Variants in HHLA2 observed in about 807,000 individuals in gnomAD.
The protein encoded by HHLA2 is HERV-H LTR-associating protein 2.
In HHLA2, 48 loss-of-function variants were observed where a neutral mutation model predicts 45.9. The ratio of observed to expected loss-of-function variants is 1.05; its 90% CI spans 0.83 to 1.33. The LOEUF is 1.33. HHLA2 is among the 40% of genes most tolerant of loss of function. HHLA2 has a pLI of 0.00. For missense variants in HHLA2, 462 were observed against 494.3 expected (o/e 0.93, Z 0.62); for synonymous variants, 161 against 173.9 (o/e 0.93, Z 0.59).
At chr3:108,353,327 GGCT>G (rs2081815173) in intron 4 of HHLA2, 97 bp from the exon 4 acceptor site, 1 of 692,664 alleles carries the variant, frequency 1.4e-6, no homozygotes, top group African/African-American at 1.8e-5. Flanking sequence ...CTAATAATCA[GGCT>G]GCTAACCTAG....
intron 2 of HHLA2, among the ~76,000 whole-genome samples, chr3:108,312,553 T>C (rs145072794): frequency 1.5e-3 from 226 of 152,332 alleles, no homozygotes; most frequent in African/African-American, 4.7e-3. Flanking sequence ...TGGGAAGCTA[T>C]GATGTTTCCC....
At chr3:108,315,343 TAC>T (rs1421050064) in intron 2 of HHLA2, among the ~76,000 whole-genome samples, 1 of 152,202 alleles carries the variant, frequency 6.6e-6, no homozygotes, top group Non-Finnish European at 1.5e-5. Flanking sequence ...GAATGGGAAT[TAC>T]AGTCTCTTAT....
At chr3:108,318,420 A>G (rs1235891891) in intron 2 of HHLA2, among the ~76,000 whole-genome samples, 1 of 152,206 alleles carries the variant, frequency 6.6e-6, no homozygotes, top group Non-Finnish European at 1.5e-5. Context: ...CATTAGCTGC[A>G]AAGTGCATCC....
intron 4 of HHLA2, among the ~76,000 whole-genome samples, chr3:108,352,206 TG>T (rs1215651880): frequency 6.6e-6 from 1 of 152,160 alleles, no homozygotes; most frequent in African/African-American, 2.4e-5. Flanking sequence ...TTATCAGCTT[TG>T]CTAGGTCCTA....
At chr3:108,313,327 C>A (rs1443858220) in intron 2 of HHLA2, among the ~76,000 whole-genome samples, 1 of 152,092 alleles carries the variant, frequency 6.6e-6, no homozygotes, top group Non-Finnish European at 1.5e-5. Flanking sequence ...GAGGGAAGGT[C>A]AACACAGATG....
intron 3 of HHLA2, among the ~76,000 whole-genome samples, chr3:108,337,103 G>A (rs1282611819): frequency 6.6e-6 from 1 of 152,102 alleles, no homozygotes; most frequent in Non-Finnish European, 1.5e-5. Context: ...GCTGGTGTGT[G>A]AACTGTTTAT....
At chr3:108,353,318 T>C in intron 4 of HHLA2, 109 bp from the exon 4 acceptor site, 1 of 654,878 alleles carries the variant, frequency 1.5e-6, no homozygotes. Context: ...TGTGGTCTAC[T>C]AATAATCAGG....
intron 2 of HHLA2, among the ~76,000 whole-genome samples, chr3:108,317,914 G>C (rs931388044): frequency 6.6e-6 from 1 of 152,038 alleles, no homozygotes; most frequent in African/African-American, 2.4e-5. Flanking sequence ...GGGCATGGTG[G>C]CTCACACCTA....
At chr3:108,332,228 G>A (rs2107384250) in intron 3 of HHLA2, among the ~76,000 whole-genome samples, 1 of 152,212 alleles carries the variant, frequency 6.6e-6, no homozygotes, top group South Asian at 2.1e-4. Context: ...AAAAATGGAG[G>A]CTACTTAACT....
intron 3 of HHLA2, among the ~76,000 whole-genome samples, chr3:108,330,904 T>G (rs180709521): frequency 6.6e-6 from 1 of 152,316 alleles, no homozygotes; most frequent in East Asian, 1.9e-4. Context: ...ATATAATGCC[T>G]GCTTGTGAAA....
At chr3:108,308,163 C>T (rs1234432788) in intron 1 of HHLA2, among the ~76,000 whole-genome samples, 1 of 152,174 alleles carries the variant, frequency 6.6e-6, no homozygotes, top group Non-Finnish European at 1.5e-5. Flanking sequence ...CCGCAACCAC[C>T]ACTACCCTTC....
chr3:108,366,726 T>TA (rs1172332976), intron 8 of HHLA2, among the ~76,000 whole-genome samples: 1 of 152,180 alleles, frequency 6.6e-6, no homozygotes, highest in Non-Finnish European at 1.5e-5. Flanking sequence ...GGAATTTATC[T>TA]ATTTCTTCTA....
At chr3:108,318,055 C>A (rs985594421) in intron 2 of HHLA2, among the ~76,000 whole-genome samples, 1 of 151,920 alleles carries the variant, frequency 6.6e-6, no homozygotes, top group Non-Finnish European at 1.5e-5. Flanking sequence ...GTGGCACATG[C>A]CTGTAATCCC....
chr3:108,363,059 T>G (rs573086766), intron 8 of HHLA2, among the ~76,000 whole-genome samples: 1 of 152,216 alleles, frequency 6.6e-6, no homozygotes, highest in Admixed American at 6.5e-5. Flanking sequence ...GTTGTTCAAT[T>G]AATCTTTTTC....
intron 8 of HHLA2, among the ~76,000 whole-genome samples, chr3:108,369,853 G>T (rs917822123): frequency 9.2e-5 from 14 of 152,216 alleles, no homozygotes; most frequent in Admixed American, 8.5e-4. Flanking sequence ...GCTCAAGGAG[G>T]CCTGCCTGCC....
At chr3:108,357,748 A>G in intron 6 of HHLA2, 96 bp from the exon 6 acceptor site, 1 of 984,358 alleles carries the variant, frequency 1.0e-6, no homozygotes, top group Non-Finnish European at 1.5e-6. Context: ...ATATATCAGT[A>G]TTAGTGCCTT....
chr3:108,376,606 C>A (rs2082280420), intron 10 of HHLA2, 49 bp downstream of exon 9: 2 of 1,503,632 alleles, frequency 1.3e-6, no homozygotes, highest in Non-Finnish European at 1.8e-6. Flanking sequence ...AAAAATGCTT[C>A]TTTAAAAGGG....
intron 1 of HHLA2, among the ~76,000 whole-genome samples, chr3:108,298,905 T>C (rs1278589354): frequency 6.8e-6 from 1 of 147,614 alleles, no homozygotes; most frequent in Non-Finnish European, 1.5e-5. Context: ...AATGTACACT[T>C]GCAGCTTCCT....
At chr3:108,364,461 C>T (rs2082030914) in intron 8 of HHLA2, among the ~76,000 whole-genome samples, 1 of 152,130 alleles carries the variant, frequency 6.6e-6, no homozygotes, top group African/African-American at 2.4e-5. Context: ...CATACATGTG[C>T]ATGTGTCTTC....
Sources: gnomAD v4.1 joint callset for allele counts (sites outside exome capture counted in the v4.1 genomes callset) on GRCh38, gnomAD v4.1.1 for gene constraint, MANE v1.5 for transcripts, NCBI Gene and HGNC (gene_info 2026-07-23, HGNC 2026-07-21) for gene names.